The following MTSS1 variants were observed in gnomAD, a reference collection of about 807,000 sequenced individuals.
MTSS1 encodes MTSS I-BAR domain containing 1.
A neutral mutation model predicts 79.0 loss-of-function variants in MTSS1; 18 were observed. That is an observed-to-expected ratio of 0.23 (90% CI 0.16 to 0.34). MTSS1 has a LOEUF of 0.34. Ranked by LOEUF, MTSS1 falls within the 10% of genes least tolerant of loss-of-function variation. The pLI, the probability that MTSS1 is intolerant of heterozygous loss-of-function variation, is 1.00. For synonymous variants in MTSS1, 341 were observed against 368.6 expected, an observed-to-expected ratio of 0.93 and a Z score of 0.86; for missense variants, 815 against 986.2, an observed-to-expected ratio of 0.83 and a Z score of 2.33.
At position 124,656,816 on chromosome 8, in the gene MTSS1, G is replaced by GA. The variant is rs201856106; in HGVS notation, c.208+42709dup. On this transcript the variant is annotated intron_variant, in intron 3 of 13. Transcript: ENST00000518547. ...AAAAAAAAAGAAAAAAGAAAAAAAG[G>GA]AAAAAAAAATGGAGTTGCTCCTTCA... 3.3e-4 allele frequency among the ~76,000 whole-genome samples: 49 copies of GA among 147,600 alleles called. 1 individual carries two copies. The East Asian group carries it at 8.3e-3, about 25-fold the overall frequency.
At chr8:124,573,964 C>T (rs767578136) in intron 6 of MTSS1, among the ~76,000 whole-genome samples, 4 of 152,134 alleles carry the variant, frequency 2.6e-5, no homozygotes, top group African/African-American at 7.2e-5. Context: ...TGCACCATGT[C>T]ATGGGCCAAG....
In MTSS1 at chr8:124,582,223, T is replaced by G. The variant is rs570140097; in HGVS notation, c.460+2864A>C. ...TCCACAGCCATAGCATATCCCAAGC[T>G]GCTAAAAAATGATTTTGAGATAAAA... On this transcript the variant is annotated intron_variant, in intron 6 of 13. Coordinates refer to ENST00000518547, the MANE Select transcript of MTSS1 (RefSeq NM_014751.6). The surrounding 1 kb of genome is among the most constrained non-coding windows in gnomAD (Gnocchi z 4.8). Among the ~76,000 whole-genome samples, 25 of 152,282 alleles carry G rather than the reference T, an allele frequency of 1.6e-4. No individual in the cohort carries two copies. The Middle Eastern group carries it at 0.014, about 83-fold the overall frequency.
rs539499537 is a variant in MTSS1 at position 124,682,540 on chromosome 8, C to A, written c.208+16986G>T. Among the ~76,000 whole-genome samples the A allele has an allele frequency of 3.3e-5, 5 of 152,318 alleles. No homozygotes were observed. The South Asian group carries it at 1.0e-3, about 32-fold the overall frequency. Reference sequence around the variant, plus strand: ...ATCTGAGCCTCACGGAACAGGCAGGCTCTAGCCTACAGCCTCCATTCCTGC... The same window carrying A: ...ATCTGAGCCTCACGGAACAGGCAGGATCTAGCCTACAGCCTCCATTCCTGC... On this transcript the variant is annotated intron_variant, in intron 3 of 13. Transcript: ENST00000518547.
chr8:124,675,301 C>T (rs2134778978), intron 3 of MTSS1, among the ~76,000 whole-genome samples: 1 of 152,326 alleles, frequency 6.6e-6, no homozygotes, highest in Admixed American at 6.5e-5. Context: ...ACTGTCACTT[C>T]CCAATGACTT....
At chr8:124,678,515 G>A (rs1399177771) in intron 3 of MTSS1, among the ~76,000 whole-genome samples, 3 of 152,190 alleles carry the variant, frequency 2.0e-5, no homozygotes, top group African/African-American at 4.8e-5. Context: ...AAGAGCAAAG[G>A]TACGTCTTAC....
chr8:124,664,919 T>C (rs557959021), intron 3 of MTSS1, among the ~76,000 whole-genome samples: 3 of 152,314 alleles, frequency 2.0e-5, no homozygotes, highest in Admixed American at 2.0e-4. Flanking sequence ...GTTCATTCTT[T>C]CCCCCCGACA....
intron 3 of MTSS1, among the ~76,000 whole-genome samples, chr8:124,679,314 T>A (rs1825781454): frequency 6.6e-6 from 1 of 152,218 alleles, no homozygotes; most frequent in African/African-American, 2.4e-5. Context: ...CATTTGAAAA[T>A]TCACAAGGGT....
intron 3 of MTSS1, among the ~76,000 whole-genome samples, chr8:124,636,264 G>A (rs543594561): frequency 5.9e-5 from 9 of 152,248 alleles, no homozygotes; most frequent in South Asian, 2.1e-4. Context: ...GGAGTAGCTC[G>A]GACTACACTT....
intron 1 of MTSS1, among the ~76,000 whole-genome samples, chr8:124,725,114 ATATGTTGTT>A (rs1057180830): frequency 2.6e-5 from 4 of 152,288 alleles, no homozygotes; most frequent in Non-Finnish European, 5.9e-5. Context: ...CAAGGAATCG[ATATGTTGTT>A]TACTAGCTGC....
At chr8:124,568,647 TA>T in intron 6 of MTSS1, 111 bp from the exon 7 acceptor site, 3 of 1,523,442 alleles carry the variant, frequency 2.0e-6, no homozygotes, top group African/African-American at 2.7e-5. Flanking sequence ...TTCCAGGATG[TA>T]AAAAAAGTAT....
intron 10 of MTSS1, chr8:124,558,678 A>G: frequency 6.6e-7 from 1 of 1,506,020 alleles, no homozygotes. Context: ...GACCAGGGAG[A>G]GTGGGGCCGC....
chr8:124,620,648 T>G (rs1437230695), intron 3 of MTSS1, among the ~76,000 whole-genome samples: 1 of 152,086 alleles, frequency 6.6e-6, no homozygotes, highest in East Asian at 1.9e-4. Context: ...AAAAGCTAAT[T>G]AAGTACACCG....
chr8:124,674,247 A>G (rs1007480883), intron 3 of MTSS1, among the ~76,000 whole-genome samples: 2 of 152,184 alleles, frequency 1.3e-5, no homozygotes, highest in Admixed American at 6.5e-5. Context: ...TCATTACCCC[A>G]CATTATGAAT....
intron 3 of MTSS1, among the ~76,000 whole-genome samples, chr8:124,670,418 AC>A (rs1422657601): frequency 6.6e-6 from 1 of 151,398 alleles, no homozygotes; most frequent in African/African-American, 2.4e-5. Context: ...GCCTGGCGGC[AC>A]CCCACACAGC....
chr8:124,606,053 G>A (rs1390142298), intron 3 of MTSS1, among the ~76,000 whole-genome samples: 1 of 146,908 alleles, frequency 6.8e-6, no homozygotes, highest in African/African-American at 2.5e-5. Flanking sequence ...TTGGCTCACT[G>A]CAACTTCTGC....
At position 124,605,246 on chromosome 8, in the gene MTSS1, C is replaced by T. The variant is rs1053785277; in HGVS notation, c.209-14011G>A. On this transcript the variant is annotated intron_variant, in intron 3 of 13. Transcript: ENST00000518547. ...TGCTCCTGCTGAAGCCAGGTCTGAG[C>T]GACTCGATGACGCCAGCTCCTGCCA... 9.8e-5 allele frequency among the ~76,000 whole-genome samples: 15 copies of T among 152,320 alleles called. No homozygotes were observed. The East Asian group carries it at 1.9e-3, about 20-fold the overall frequency.
intron 3 of MTSS1, 129 bp downstream of exon 3, chr8:124,699,397 A>T: frequency 7.7e-6 from 6 of 777,444 alleles, no homozygotes; most frequent in East Asian, 5.5e-5. Flanking sequence ...ACAGAGTTTT[A>T]AAAAATGGGA....
At chr8:124,682,130 C>A (rs1323773310) in intron 3 of MTSS1, among the ~76,000 whole-genome samples, 1 of 152,204 alleles carries the variant, frequency 6.6e-6, no homozygotes, top group African/African-American at 2.4e-5. Context: ...TAAACAGCAG[C>A]CATGCACTTT....
At chr8:124,701,071 A>C (rs79330310) in intron 2 of MTSS1, among the ~76,000 whole-genome samples, 6,077 of 152,028 alleles carry the variant, frequency 0.04, 159 homozygotes, top group Non-Finnish European at 0.057. Flanking sequence ...TCTACACACA[A>C]AAAAATTGTT....
Sources: allele counts gnomAD v4.1 joint callset (sites outside exome capture counted in the v4.1 genomes callset), GRCh38; gene constraint gnomAD v4.1.1; non-coding constraint Gnocchi (gnomAD v3.1); transcripts MANE v1.5; gene names NCBI Gene and HGNC (gene_info 2026-07-23, HGNC 2026-07-21).